Variants in SLC10A6 observed in about 807,000 individuals in gnomAD.
The protein encoded by SLC10A6 is solute carrier family 10 member 6, also known as sodium-dependent organic anion transporter.
Under a neutral mutation model 30.0 loss-of-function variants are expected in SLC10A6, and 27 were observed. That is an observed-to-expected ratio of 0.90 (90% CI 0.66 to 1.24). The LOEUF (loss-of-function observed/expected upper bound fraction) is 1.24, where lower values mean the gene tolerates loss of function less well. Ranked by LOEUF, SLC10A6 falls within the 50% of genes most tolerant of loss-of-function variation. The pLI is 0.00. For synonymous variants in SLC10A6, 166 were observed against 173.8 expected (o/e 0.95, Z 0.36); for missense variants, 439 against 457.0 (o/e 0.96, Z 0.36).
chr4:86,827,876 G>T, intron 4 of SLC10A6, 117 bp downstream of exon 4: 1 of 828,250 alleles, frequency 1.2e-6, no homozygotes, highest in Non-Finnish European at 1.8e-6. Flanking sequence ...TTATCCTGTC[G>T]ATTCCACTAT....
intron 1 of SLC10A6, among the ~76,000 whole-genome samples, chr4:86,837,205 G>GAA (rs1746200001): frequency 1.0e-5 from 1 of 100,296 alleles, no homozygotes; most frequent in Non-Finnish European, 1.8e-5. Context: ...TGCATGTAGA[G>GAA]AGAGAGAGAG....
intron 1 of SLC10A6, among the ~76,000 whole-genome samples, chr4:86,837,201 TAGAG>T (rs369585953): frequency 0.021 from 2,212 of 103,854 alleles, 105 homozygotes; most frequent in Non-Finnish European, 0.025. Context: ...ATGGTGCATG[TAGAG>T]AGAGAGAGAG....
chr4:86,839,166 T>A (rs867369664), intron 1 of SLC10A6, among the ~76,000 whole-genome samples: 2 of 151,322 alleles, frequency 1.3e-5, no homozygotes, highest in Non-Finnish European at 2.9e-5. Context: ...CCAGGTGCAG[T>A]GCCTCATGCC....
At chr4:86,825,885 G>A (rs1745985852) in intron 4 of SLC10A6, among the ~76,000 whole-genome samples, 1 of 152,240 alleles carries the variant, frequency 6.6e-6, no homozygotes, top group Non-Finnish European at 1.5e-5. Flanking sequence ...TTAGAAAATG[G>A]CAGAAGGGGT....
intron 1 of SLC10A6, among the ~76,000 whole-genome samples, chr4:86,840,417 C>A (rs1418049734): frequency 1.3e-5 from 2 of 152,018 alleles, no homozygotes; most frequent in Non-Finnish European, 2.9e-5. Flanking sequence ...TTATGACTTG[C>A]CATAATTAAC....
chr4:86,837,343 A>AAGGAAGGGAGGAAGGCAGGCAGGC (rs58692864), intron 1 of SLC10A6, among the ~76,000 whole-genome samples: 1 of 102,924 alleles, frequency 9.7e-6, no homozygotes, highest in African/African-American at 4.0e-5. Context: ...GGAAGGAAGG[A>AAGGAAGGGAGGAAGGCAGGCAGGC]AGGCAGGCAG....
intron 3 of SLC10A6, among the ~76,000 whole-genome samples, chr4:86,830,482 C>A (rs1272469603): frequency 1.3e-5 from 2 of 152,138 alleles, no homozygotes; most frequent in Non-Finnish European, 2.9e-5. Context: ...GAGTGAAAAT[C>A]AGGTGTGCAC....
chr4:86,836,582 C>G (rs1746188594), intron 1 of SLC10A6, among the ~76,000 whole-genome samples: 2 of 152,208 alleles, frequency 1.3e-5, no homozygotes, highest in Non-Finnish European at 2.9e-5. Context: ...TCATCTTAGA[C>G]TTCCCAGCCT....
intron 1 of SLC10A6, among the ~76,000 whole-genome samples, chr4:86,847,115 G>A (rs191938243): frequency 1.3e-5 from 2 of 152,292 alleles, no homozygotes; most frequent in Admixed American, 1.3e-4. Context: ...ACTGCAGACT[G>A]ATGTAAAACA....
intron 1 of SLC10A6, among the ~76,000 whole-genome samples, chr4:86,845,938 C>T (rs188380613): frequency 6.6e-6 from 1 of 152,332 alleles, no homozygotes; most frequent in Non-Finnish European, 1.5e-5. Flanking sequence ...ACATGGAGAA[C>T]TGCAAGTGCA....
intron 1 of SLC10A6, among the ~76,000 whole-genome samples, chr4:86,841,417 TG>T (rs1746287041): frequency 1.3e-5 from 2 of 152,316 alleles, no homozygotes; most frequent in African/African-American, 4.8e-5. Flanking sequence ...AGTCACGCCT[TG>T]TATTTTTAGC....
intron 1 of SLC10A6, among the ~76,000 whole-genome samples, chr4:86,844,390 GA>G (rs1053944402): frequency 6.6e-6 from 1 of 152,046 alleles, no homozygotes; most frequent in Non-Finnish European, 1.5e-5. Flanking sequence ...ATATATTGGG[GA>G]AAAAAATGCC....
chr4:86,837,323 A>AAGGGAGGG (rs1270903104), intron 1 of SLC10A6, among the ~76,000 whole-genome samples: 1 of 141,554 alleles, frequency 7.1e-6, no homozygotes, highest in Non-Finnish European at 1.5e-5. Flanking sequence ...GGAAGGAAGG[A>AAGGGAGGG]AGGAAGGAAG....
intron 2 of SLC10A6, 119 bp downstream of exon 2, chr4:86,833,187 G>T: frequency 1.4e-6 from 1 of 722,284 alleles, no homozygotes; most frequent in East Asian, 2.6e-5. Flanking sequence ...GGTTCTTTAA[G>T]GGATTAAATT....
In SLC10A6 at chr4:86,839,900, CTTATTTTTTTTTT is replaced by C. The variant is rs1200549936; in HGVS notation, c.378-6489_378-6477del. ...AAATTGATCTCACTCTTGTTACACT[CTTATTTTTTTTTT>C]TTATTTTTTTTTTTTAGCTGGAGCT... On this transcript the variant is annotated intron_variant, in intron 1 of 5. Coordinates refer to ENST00000273905, the MANE Select transcript of SLC10A6 (RefSeq NM_197965.3). Among the ~76,000 whole-genome samples, 368 of 141,566 alleles carry C rather than the reference CTTATTTTTTTTTT, an allele frequency of 2.6e-3. 1 individual carries two copies. The highest frequency in any genetic ancestry group is 0.01 in the African/African-American group (351 of 34,198). The allele number at this position is 141,566 out of a possible 152,430, so 92.9% of individuals were successfully genotyped here.
intron 1 of SLC10A6, among the ~76,000 whole-genome samples, chr4:86,836,077 T>A (rs1312769298): frequency 6.6e-6 from 1 of 152,192 alleles, no homozygotes; most frequent in Admixed American, 6.5e-5. Context: ...CCAACAGCCA[T>A]GCTACATAGC....
chr4:86,840,205 C>T (rs1049989520), intron 1 of SLC10A6, among the ~76,000 whole-genome samples: 1 of 152,084 alleles, frequency 6.6e-6, no homozygotes, highest in Non-Finnish European at 1.5e-5. Flanking sequence ...AGGCGTGAGC[C>T]ACTGCACCCA....
At chr4:86,844,507 C>G (rs540053150) in intron 1 of SLC10A6, among the ~76,000 whole-genome samples, 1 of 152,290 alleles carries the variant, frequency 6.6e-6, no homozygotes, top group South Asian at 2.1e-4. Flanking sequence ...GCTGGACTGG[C>G]CTTGCAGTCT....
chr4:86,831,708 T>A (rs1038158839), intron 3 of SLC10A6, 84 bp downstream of exon 3: 23 of 1,123,026 alleles, frequency 2.0e-5, no homozygotes, highest in Non-Finnish European at 2.7e-5. Context: ...CTCAACAAGC[T>A]CACTTGTCCC....
Sources: allele counts gnomAD v4.1 joint callset (sites outside exome capture counted in the v4.1 genomes callset), GRCh38; gene constraint gnomAD v4.1.1; transcripts MANE v1.5; gene names NCBI Gene and HGNC (gene_info 2026-07-23, HGNC 2026-07-21).